Variants in SLC36A1 observed in about 807,000 individuals in gnomAD.
The protein encoded by SLC36A1 is solute carrier family 36 member 1.
A neutral mutation model predicts 47.5 loss-of-function variants in SLC36A1; 30 were observed. The observed-to-expected ratio is 0.63, with a 90% confidence interval of 0.47 to 0.86. The LOEUF (loss-of-function observed/expected upper bound fraction) is 0.86, where lower values mean the gene tolerates loss of function less well. SLC36A1 is among the 40% of genes least tolerant of loss of function. The probability of loss-of-function intolerance (pLI) is 0.00; values close to 1 mark genes in which losing one functional copy is unlikely to be tolerated. For missense variants in SLC36A1, 517 were observed against 606.0 expected (o/e 0.85, Z 1.54); for synonymous variants, 255 against 249.7 (o/e 1.02, Z -0.20).
At chr5:151,434,787 G>T (rs988395904), upstream of SLC36A1, among the ~76,000 whole-genome samples, 1 of 152,162 alleles carries the variant, frequency 6.6e-6, no homozygotes, top group Non-Finnish European at 1.5e-5. Flanking sequence ...ACAATGAGAA[G>T]ACAGCCACAT....
chr5:151,534,351 C>T, the SLC36A1 span: 4 of 1,422,114 alleles, frequency 2.8e-6, no homozygotes, highest in Non-Finnish European at 2.9e-6. Context: ...GGACCAAACC[C>T]TTGCCCAAGG....
the SLC36A1 span, among the ~76,000 whole-genome samples, chr5:151,349,485 C>A: frequency 1.3e-5 from 2 of 152,158 alleles, no homozygotes. Context: ...GAAGCTGTGG[C>A]AACCCTTGGA....
Position 151,447,771 on chromosome 5 carries a change from C to T in SLC36A1, c.-48C>T, listed in dbSNP as rs1753038903. On this transcript the variant is annotated 5_prime_UTR_variant, in exon 1 of 11. Coordinates refer to ENST00000243389, the MANE Select transcript of SLC36A1 (RefSeq NM_078483.4). ...GGCTGGCGGCGCTCGCCGCCTTGGG[C>T]AGGACCCACCTCGCCTTCCTCCCGG... The T allele has an allele frequency of 1.3e-5, 2 of 152,306 alleles. No homozygotes were observed. The highest frequency in any genetic ancestry group is 4.8e-5 in the African/African-American group (2 of 41,462). 9.4% of individuals were successfully genotyped at this position (152,306 alleles called of 1,614,324 possible).
the SLC36A1 span, chr5:151,545,430 T>C: frequency 6.2e-7 from 1 of 1,614,180 alleles, no homozygotes; most frequent in Non-Finnish European, 8.5e-7. Flanking sequence ...CTTCTGAGTC[T>C]TCATCGCTGG....
At chr5:151,413,866 CGTATATATAT>C in the SLC36A1 span, among the ~76,000 whole-genome samples, 1 of 151,922 alleles carries the variant, frequency 6.6e-6, no homozygotes, top group South Asian at 2.1e-4. Flanking sequence ...TATTTATACA[CGTATATATAT>C]GTATATATAT....
chr5:151,420,171 A>C, the SLC36A1 span, among the ~76,000 whole-genome samples: 2 of 152,174 alleles, frequency 1.3e-5, no homozygotes, highest in Non-Finnish European at 2.9e-5. Flanking sequence ...GGCTCCAAAA[A>C]TCATGTGCCA....
the SLC36A1 span, among the ~76,000 whole-genome samples, chr5:151,374,445 T>C: frequency 6.6e-6 from 1 of 152,212 alleles, no homozygotes; most frequent in African/African-American, 2.4e-5. Flanking sequence ...TGTGTATATA[T>C]ATATCACATT....
At chr5:151,544,522 C>G in the SLC36A1 span, 1 of 1,613,906 alleles carries the variant, frequency 6.2e-7, no homozygotes, top group South Asian at 1.1e-5. Context: ...GTAGATGAGC[C>G]GGAGTCCCTC....
chr5:151,476,575 A>C lies in SLC36A1; in HGVS notation c.823-15A>C. On this transcript the variant is annotated splice_polypyrimidine_tract_variant and intron_variant, in intron 8 of 10. Transcript: ENST00000243389. ...TTTTCTGCACTTTCTCTCCTCTCTC[A>C]CTACTCTCTCATAGGTTCTGCCCCT... 6.8e-7 allele frequency: 1 copy of C among 1,467,348 alleles called. No individual in the cohort carries two copies. Among genetic ancestry groups the C allele is most frequent in the Non-Finnish European group, 9.1e-7 (1 of 1,104,772 alleles). The allele number at this position is 1,467,348 out of a possible 1,614,324, so 90.9% of individuals were successfully genotyped here.
chr5:151,463,159 G>A (rs1755806126), intron 2 of SLC36A1, among the ~76,000 whole-genome samples: 1 of 152,250 alleles, frequency 6.6e-6, no homozygotes, highest in Non-Finnish European at 1.5e-5. Flanking sequence ...ATAGGCATGA[G>A]CCACTGTGCC....
the SLC36A1 span, among the ~76,000 whole-genome samples, chr5:151,531,276 G>T: frequency 2.0e-5 from 3 of 152,188 alleles, no homozygotes; most frequent in Admixed American, 2.0e-4. This position sits in a 1 kb window ranked among gnomAD's most constrained non-coding sequence, Gnocchi z 5.7. Flanking sequence ...TGCCTCCTGC[G>T]CTGGGCCTGA....
At chr5:151,544,227 G>A in the SLC36A1 span, 2 of 1,614,080 alleles carry the variant, frequency 1.2e-6, no homozygotes, top group Non-Finnish European at 1.7e-6. Context: ...TCCGCCCTGA[G>A]TCCTGGTCAG....
chr5:151,524,078 A>G, the SLC36A1 span, among the ~76,000 whole-genome samples: 2 of 152,120 alleles, frequency 1.3e-5, no homozygotes, highest in African/African-American at 2.4e-5. Context: ...TCCAGCTTGG[A>G]TGACTTCTCA....
At chr5:151,394,780 T>C in the SLC36A1 span, among the ~76,000 whole-genome samples, 1 of 152,164 alleles carries the variant, frequency 6.6e-6, no homozygotes, top group Non-Finnish European at 1.5e-5. Context: ...CTCAGAGGGG[T>C]ACCCAGGCGT....
At chr5:151,483,721 A>C (rs1759150136) in intron 10 of SLC36A1, among the ~76,000 whole-genome samples, 2 of 152,144 alleles carry the variant, frequency 1.3e-5, no homozygotes, top group African/African-American at 4.8e-5. Context: ...ATGGTGGCAA[A>C]ACAGATACCC....
At chr5:151,523,832 G>A in the SLC36A1 span, among the ~76,000 whole-genome samples, 2 of 152,194 alleles carry the variant, frequency 1.3e-5, no homozygotes, top group Non-Finnish European at 1.5e-5. Flanking sequence ...ACAGAGCTTC[G>A]GTTTAGCCCA....
the SLC36A1 span, among the ~76,000 whole-genome samples, chr5:151,357,539 G>A: frequency 2.6e-5 from 4 of 152,238 alleles, no homozygotes; most frequent in Non-Finnish European, 5.9e-5. Flanking sequence ...TAAAGCAGGG[G>A]TTAGTAAACT....
chr5:151,373,364 G>A, the SLC36A1 span, among the ~76,000 whole-genome samples: 3 of 152,056 alleles, frequency 2.0e-5, no homozygotes, highest in Admixed American at 2.0e-4. Context: ...TCAAACTGAT[G>A]TAAATAAAAA....
intron 1 of SLC36A1, among the ~76,000 whole-genome samples, chr5:151,439,244 C>G (rs553867462): frequency 2.0e-5 from 3 of 152,114 alleles, no homozygotes; most frequent in Non-Finnish European, 2.9e-5. Flanking sequence ...CCACCCAGGC[C>G]CCTCCCTTGA....
Sources: gnomAD v4.1 joint callset for allele counts (sites outside exome capture counted in the v4.1 genomes callset) on GRCh38, gnomAD v4.1.1 for gene constraint, Gnocchi (gnomAD v3.1) non-coding constraint, MANE v1.5 for transcripts, NCBI Gene and HGNC (gene_info 2026-07-23, HGNC 2026-07-21) for gene names.